Variants in LXN observed in about 807,000 individuals in gnomAD.
LXN encodes MUM.
In LXN, 28 loss-of-function variants were observed where a neutral mutation model predicts 29.8. The observed-to-expected ratio is 0.94, with a 90% confidence interval of 0.70 to 1.29. The LOEUF (loss-of-function observed/expected upper bound fraction) is 1.29, where lower values mean the gene tolerates loss of function less well. Ranked by LOEUF, LXN falls within the 50% of genes most tolerant of loss-of-function variation. The probability of loss-of-function intolerance (pLI) is 0.00; values close to 1 mark genes in which losing one functional copy is unlikely to be tolerated. For missense variants in LXN, 227 were observed against 261.7 expected, an observed-to-expected ratio of 0.87 and a Z score of 0.92; for synonymous variants, 77 against 89.6, an observed-to-expected ratio of 0.86 and a Z score of 0.80.
chr3:158,667,093 AC>A lies in LXN; in HGVS notation c.508-20del, dbSNP rs2108055770. ...TTCTTTGCTATGACAAAAAATAAAA[AC>A]GTGTTGTTTAAAACTTAATATCTTT... On this transcript the variant is annotated intron_variant, in intron 4 of 5. Coordinates refer to ENST00000264265, the MANE Select transcript of LXN (RefSeq NM_020169.4). The A allele has an allele frequency of 6.4e-7, 1 of 1,569,508 alleles. No individual in the cohort carries two copies. Among genetic ancestry groups the A allele is most frequent in the Non-Finnish European group, 8.6e-7 (1 of 1,162,858 alleles).
intron 2 of LXN, among the ~76,000 whole-genome samples, chr3:158,670,116 T>C (rs1724135872): frequency 6.6e-6 from 1 of 152,234 alleles, no homozygotes; most frequent in South Asian, 2.1e-4. Flanking sequence ...AATGAATCTC[T>C]TTATGAATTA....
Position 158,672,559 on chromosome 3 carries a change from T to A in LXN, c.-81A>T, listed in dbSNP as rs139458960. On this transcript the variant is annotated 5_prime_UTR_variant, in exon 1 of 6. Transcript: ENST00000264265. ...GCAGAGCGCCGCCCGTCCTGCTTGC[T>A]GCTGGGTCCGGTTGCCGAGGCGGAA... 4.6e-4 allele frequency: 723 copies of A among 1,566,432 alleles called. 2 individuals carry two copies. In the African/African-American group the frequency reaches 8.8e-3, roughly 19 times the overall value.
At chr3:158,672,237 A>T in intron 1 of LXN, 113 bp downstream of exon 1, 1 of 1,338,756 alleles carries the variant, frequency 7.5e-7, no homozygotes, top group Non-Finnish European at 1.0e-6. Context: ...CCTAAAACAG[A>T]AGGTGGGTAG....
chr3:158,667,201 A>G lies in LXN; in HGVS notation c.508-127T>C. 3 of 1,053,008 alleles carry G rather than the reference A, an allele frequency of 2.8e-6. No homozygotes were observed. The South Asian group carries it at 6.0e-5, about 21-fold the overall frequency. The allele number at this position is 1,053,008 out of a possible 1,614,324, so 65.2% of individuals were successfully genotyped here. On this transcript the variant is annotated intron_variant, in intron 4 of 5. Transcript: ENST00000264265. ...CCATTTAGGTAAAAATAAAAATTGA[A>G]TGTCATAATTTCAATTTAATGTGAC...
intron 5 of LXN, 116 bp from the exon 6 acceptor site, chr3:158,666,860 T>A: frequency 7.0e-7 from 1 of 1,426,778 alleles, no homozygotes; most frequent in Non-Finnish European, 9.5e-7. Context: ...GTACTTTTGT[T>A]AAATTGCTGC....
Position 158,669,142 on chromosome 3 carries a change from G to A in LXN, c.371-10C>T. Reference sequence around the variant, plus strand: ...ACATTTCCAAAATTGTCTGGTAGGAGACACATTTATATGATAATCATATAT... The same window carrying A: ...ACATTTCCAAAATTGTCTGGTAGGAAACACATTTATATGATAATCATATAT... On this transcript the variant is annotated splice_polypyrimidine_tract_variant and intron_variant, in intron 3 of 5. Transcript: ENST00000264265. 6.2e-7 allele frequency: 1 copy of A among 1,610,160 alleles called. No individual in the cohort carries two copies. Among genetic ancestry groups the A allele is most frequent in the Non-Finnish European group, 8.5e-7 (1 of 1,177,302 alleles).
At chr3:158,671,195 CT>C (rs1724265025) in intron 1 of LXN, among the ~76,000 whole-genome samples, 176 bp from the exon 2 acceptor site, 1 of 152,078 alleles carries the variant, frequency 6.6e-6, no homozygotes, top group Non-Finnish European at 1.5e-5. Context: ...AGCAAGTCCC[CT>C]ATCAAGTTTA....
intron 3 of LXN, 95 bp from the exon 4 acceptor site, chr3:158,669,227 ATGTTGTGC>A: frequency 7.4e-7 from 1 of 1,349,472 alleles, no homozygotes. Context: ...TTTCCTTCGA[ATGTTGTGC>A]AAAAAATAAT....
chr3:158,668,958 T>C, intron 4 of LXN, 38 bp downstream of exon 4: 1 of 1,515,280 alleles, frequency 6.6e-7, no homozygotes, highest in South Asian at 1.2e-5. Context: ...CGATAAATAT[T>C]AACCCCATTA....
intron 2 of LXN, 43 bp downstream of exon 2, chr3:158,670,914 T>C (rs892955648): frequency 1.2e-5 from 18 of 1,460,732 alleles, no homozygotes; most frequent in East Asian, 7.8e-5. Flanking sequence ...GCCTGGGTGA[T>C]AGAGTGAGAC....
At position 158,666,415 on chromosome 3, in the gene LXN, G is replaced by A. The variant is rs770749738; in HGVS notation, c.*231C>T. On this transcript the variant is annotated 3_prime_UTR_variant, in exon 6 of 6. Coordinates refer to ENST00000264265, the MANE Select transcript of LXN (RefSeq NM_020169.4). ...AGTATGCAACGTAATTAAACATTAT[G>A]AGGCTGAAATTGAAGCTTTTTATTT... 4.2e-5 allele frequency: 66 copies of A among 1,574,978 alleles called. No homozygotes were observed. Among genetic ancestry groups the A allele is most frequent in the Non-Finnish European group, 5.6e-5 (64 of 1,144,736 alleles).
intron 4 of LXN, 144 bp from the exon 5 acceptor site, chr3:158,667,218 T>A: frequency 1.1e-6 from 1 of 930,346 alleles, no homozygotes. Flanking sequence ...AATTTCAATT[T>A]AATGTGACAA....
intron 4 of LXN, 91 bp downstream of exon 4, chr3:158,668,905 A>C: frequency 8.6e-7 from 1 of 1,165,066 alleles, no homozygotes; most frequent in Non-Finnish European, 1.2e-6. Context: ...ATACAAAATG[A>C]CTATAGGAAT....
chr3:158,667,523 C>T (rs1401183029), intron 4 of LXN, among the ~76,000 whole-genome samples: 1 of 152,228 alleles, frequency 6.6e-6, no homozygotes, highest in Non-Finnish European at 1.5e-5. Context: ...CAGTGGCTCA[C>T]ACCTATAATC....
At chr3:158,671,866 T>C (rs1724352736) in intron 1 of LXN, among the ~76,000 whole-genome samples, 1 of 152,212 alleles carries the variant, frequency 6.6e-6, no homozygotes, top group African/African-American at 2.4e-5. Context: ...TTCTTTGACT[T>C]TGATTGTCAG....
At position 158,669,601 on chromosome 3, in the gene LXN, C is replaced by T; in HGVS notation, c.202G>A (p.Val68Met). ...VEEIIQKQVKVNCTAEVLYPS... is the reference protein window; with the variant it reads ...VEEIIQKQVKMNCTAEVLYPS... ...TAAAGTACTTCAGCTGTGCAGTTCA[C>T]CTTAACTTGCTGTTTGAAATTTAGC... The change falls in exon 3 of 6, where the codon GTG becomes ATG. Residue 68 changes from valine to methionine, a missense_variant. By Grantham distance (21) the Val-to-Met change is conservative (BLOSUM62 1). Coordinates refer to ENST00000264265, the MANE Select transcript of LXN (RefSeq NM_020169.4). 6.2e-7 allele frequency: 1 copy of T among 1,613,266 alleles called. No individual in the cohort carries two copies. The highest frequency in any genetic ancestry group is 1.1e-5 in the South Asian group (1 of 90,840).
chr3:158,667,313 T>C (rs1723806759), intron 4 of LXN, among the ~76,000 whole-genome samples: 1 of 152,234 alleles, frequency 6.6e-6, no homozygotes, highest in Non-Finnish European at 1.5e-5. Context: ...AAGAAATGTT[T>C]ACCTGTTTTT....
Position 158,668,986 on chromosome 3 carries a change from AACT to A in LXN, c.507+7_507+9del. The A allele has an allele frequency of 6.3e-7, 1 of 1,599,282 alleles. No homozygotes were observed. Among genetic ancestry groups the A allele is most frequent in the African/African-American group, 1.3e-5 (1 of 74,334 alleles). The stretch of plus-strand genomic sequence containing the variant: ...CCCCATTAATAGTGTATTTTATAGA[AACT>A]ACTTACCACTTGCTTGACAGTTTGA... On this transcript the variant is annotated splice_region_variant and intron_variant, in intron 4 of 5. Transcript: ENST00000264265.
At position 158,668,990 on chromosome 3, in the gene LXN, A is replaced by G. The variant is rs1409642336; in HGVS notation, c.507+6T>C. 1 of 1,604,102 alleles carries G rather than the reference A, an allele frequency of 6.2e-7. No individual in the cohort carries two copies. Among genetic ancestry groups the G allele is most frequent in the Non-Finnish European group, 8.5e-7 (1 of 1,173,944 alleles). ...ATTAATAGTGTATTTTATAGAAACT[A>G]CTTACCACTTGCTTGACAGTTTGAA... On this transcript the variant is annotated splice_donor_region_variant and intron_variant, in intron 4 of 5. Transcript: ENST00000264265.
Sources: gnomAD v4.1 joint callset for allele counts (sites outside exome capture counted in the v4.1 genomes callset) on GRCh38, gnomAD v4.1.1 for gene constraint, MANE v1.5 for transcripts, NCBI Gene and HGNC (gene_info 2026-07-23, HGNC 2026-07-21) for gene names.